KIRREL3: variants seen among roughly 807,000 people sequenced by gnomAD.
The protein encoded by KIRREL3 is kin of IRRE-like protein 3.
In KIRREL3, 36 loss-of-function variants were observed where a neutral mutation model predicts 89.7. That is an observed-to-expected ratio of 0.40 (90% CI 0.31 to 0.53). The LOEUF is 0.53. KIRREL3 is among the 20% of genes least tolerant of loss of function. The probability of loss-of-function intolerance (pLI) is 0.49; values close to 1 mark genes in which losing one functional copy is unlikely to be tolerated. For synonymous variants in KIRREL3, 445 were observed against 441.4 expected (o/e 1.01, Z -0.10); for missense variants, 864 against 1,056.6 (o/e 0.82, Z 2.53).
At chr11:126,457,145 C>T (rs1956371120) in intron 6 of KIRREL3, among the ~76,000 whole-genome samples, 1 of 149,932 alleles carries the variant, frequency 6.7e-6, no homozygotes, top group Non-Finnish European at 1.5e-5. Context: ...GAGACATGTA[C>T]ATAGAGGAGA....
Position 126,429,216 on chromosome 11 carries a change from C to G in KIRREL3, c.1769G>C (p.Arg590Pro). The G allele has an allele frequency of 6.2e-7, 1 of 1,613,832 alleles. No homozygotes were observed. Among genetic ancestry groups the G allele is most frequent in the Non-Finnish European group, 8.5e-7 (1 of 1,179,758 alleles). ...GATGGTGGAGTGCTCCTCACCCTCCCGACCAGAGGCTGGTTCCTTGTGGAC... is the reference window on the plus strand; with the variant it reads ...GATGGTGGAGTGCTCCTCACCCTCCGGACCAGAGGCTGGTTCCTTGTGGAC... ...EIVHKEPASG[R>P]EGEEHSTIKQ... Residue 590 changes from arginine (R) to proline (P), a missense_variant, in exon 15 of 17, where the codon CGG becomes CCG. Physicochemically the swap from Arg to Pro is moderately radical, Grantham distance 103 (BLOSUM62 -2). Transcript: ENST00000525144. This position sits in a 1 kb window ranked among gnomAD's most constrained non-coding sequence, Gnocchi z 5.2.
At chr11:126,693,282 G>A (rs1025978001) in intron 1 of KIRREL3, among the ~76,000 whole-genome samples, 3 of 152,152 alleles carry the variant, frequency 2.0e-5, no homozygotes, top group Admixed American at 1.3e-4. Context: ...TTAGCCGGGC[G>A]TGGTGGCGCG....
rs1159734931 is a variant in KIRREL3, at chr11:126,906,064, G to C, written c.55+94391C>G. Among the ~76,000 whole-genome samples the C allele has an allele frequency of 6.6e-6, 1 of 152,218 alleles. No homozygotes were observed. Among genetic ancestry groups the C allele is most frequent in the African/African-American group, 2.4e-5 (1 of 41,458 alleles). On this transcript the variant is annotated intron_variant, in intron 1 of 16. Transcript: ENST00000525144. The surrounding 1 kb of genome is among the most constrained non-coding windows in gnomAD (Gnocchi z 4.1). Reference sequence around the variant, plus strand: ...AATGCCAGGCCGACTTCAAGGCCGGGAGGTGTGCAGAGCCCCAGGCTCCAA... The same window carrying C: ...AATGCCAGGCCGACTTCAAGGCCGGCAGGTGTGCAGAGCCCCAGGCTCCAA...
chr11:126,881,469 C>T (rs552813224), intron 1 of KIRREL3, among the ~76,000 whole-genome samples: 1 of 152,206 alleles, frequency 6.6e-6, no homozygotes, highest in African/African-American at 2.4e-5. Context: ...TGGTCACCAA[C>T]ATAGGAAGTC....
At chr11:126,827,408 C>A (rs987124227) in intron 1 of KIRREL3, among the ~76,000 whole-genome samples, 9 of 152,102 alleles carry the variant, frequency 5.9e-5, no homozygotes. Flanking sequence ...GAACTCCTGA[C>A]CTCGTGATTC....
At chr11:126,702,146 A>G (rs1179611964) in intron 1 of KIRREL3, among the ~76,000 whole-genome samples, 2 of 152,182 alleles carry the variant, frequency 1.3e-5, no homozygotes, top group African/African-American at 4.8e-5. Context: ...CTCCTGTCCA[A>G]ACCTTCATCT....
chr11:126,675,518 T>G (rs76795076), intron 1 of KIRREL3, among the ~76,000 whole-genome samples: 2,583 of 152,338 alleles, frequency 0.017, 68 homozygotes, highest in African/African-American at 0.058. Context: ...GATTGAAACC[T>G]GCAGGCAGCA....
Position 126,568,268 on chromosome 11 carries a change from T to C in KIRREL3, c.56-5356A>G, listed in dbSNP as rs1013945761. Among the ~76,000 whole-genome samples, 1 of 150,076 alleles carries C rather than the reference T, an allele frequency of 6.7e-6. No homozygotes were observed. Among genetic ancestry groups the C allele is most frequent in the Non-Finnish European group, 1.5e-5 (1 of 67,022 alleles). Reference sequence around the variant, plus strand: ...GGTGAGACTTGCATTTCATAAAGGATCCCTTCAGCACTGGTGCAGATGATG... The same window carrying C: ...GGTGAGACTTGCATTTCATAAAGGACCCCTTCAGCACTGGTGCAGATGATG... On this transcript the variant is annotated intron_variant, in intron 1 of 16. Transcript: ENST00000525144. This position sits in a 1 kb window ranked among gnomAD's most constrained non-coding sequence, Gnocchi z 4.6.
In KIRREL3 at chr11:126,870,891, G is replaced by C. The variant is rs1335720361; in HGVS notation, c.55+129564C>G. On this transcript the variant is annotated intron_variant, in intron 1 of 16. Coordinates refer to ENST00000525144, the MANE Select transcript of KIRREL3 (RefSeq NM_032531.4). This position sits in a 1 kb window ranked among gnomAD's most constrained non-coding sequence, Gnocchi z 4.4. ...GACCTGGAAGTGGGTTCCCTGCACA[G>C]AAATTTTCTGCCTACCTTACAGAAA... Among the ~76,000 whole-genome samples, 2 of 152,130 alleles carry C rather than the reference G, an allele frequency of 1.3e-5. No homozygotes were observed. Among genetic ancestry groups the C allele is most frequent in the Admixed American group, 1.3e-4 (2 of 15,280 alleles).
intron 1 of KIRREL3, among the ~76,000 whole-genome samples, chr11:126,804,066 T>A (rs1257157840): frequency 6.6e-6 from 1 of 152,220 alleles, no homozygotes; most frequent in Admixed American, 6.5e-5. Flanking sequence ...GCATGCATGT[T>A]TGCTTGGGAA....
chr11:126,741,866 G>A (rs897977550), intron 1 of KIRREL3, among the ~76,000 whole-genome samples: 29 of 152,214 alleles, frequency 1.9e-4, no homozygotes, highest in Non-Finnish European at 3.7e-4. Context: ...CTGAAGCCTA[G>A]GAAAGTTCAA....
chr11:126,961,776 T>C (rs940737797), intron 1 of KIRREL3, among the ~76,000 whole-genome samples: 1 of 152,248 alleles, frequency 6.6e-6, no homozygotes, highest in Non-Finnish European at 1.5e-5. Flanking sequence ...AGCTAGAGAA[T>C]AGAAGTCAAG....
Position 126,788,880 on chromosome 11 carries a change from T to C in KIRREL3, c.55+211575A>G, listed in dbSNP as rs1049208540. On this transcript the variant is annotated intron_variant, in intron 1 of 16. Transcript: ENST00000525144. The surrounding 1 kb of genome is among the most constrained non-coding windows in gnomAD (Gnocchi z 4.1). ...GACCTCCATGTGTAGAAAATCAGCATTGTAAATAATCATTATTATCAAAGA... is the reference window on the plus strand; with the variant it reads ...GACCTCCATGTGTAGAAAATCAGCACTGTAAATAATCATTATTATCAAAGA... 1.3e-5 allele frequency among the ~76,000 whole-genome samples: 2 copies of C among 152,172 alleles called. No homozygotes were observed. Among genetic ancestry groups the C allele is most frequent in the Non-Finnish European group, 2.9e-5 (2 of 68,032 alleles).
intron 4 of KIRREL3, among the ~76,000 whole-genome samples, chr11:126,493,075 ACAGTGAGGTAGG>A (rs1045726697): frequency 2.6e-5 from 4 of 152,220 alleles, no homozygotes; most frequent in East Asian, 1.9e-4. Flanking sequence ...CGTCACAAAG[ACAGTGAGGTAGG>A]CAGTGAGGTA....
At chr11:126,894,855 G>A (rs1946086912) in intron 1 of KIRREL3, among the ~76,000 whole-genome samples, 1 of 152,202 alleles carries the variant, frequency 6.6e-6, no homozygotes, top group Admixed American at 6.5e-5. Flanking sequence ...GATTCCTAAA[G>A]GAAGTGATAC....
intron 1 of KIRREL3, among the ~76,000 whole-genome samples, chr11:126,847,713 CAG>C (rs1944195776): frequency 6.6e-6 from 1 of 152,102 alleles, no homozygotes; most frequent in Non-Finnish European, 1.5e-5. Context: ...CTTTGTTTTT[CAG>C]AGTTAAGAAA....
rs1054782173 is a variant in KIRREL3 at position 126,553,682 on chromosome 11, T to C, written c.133+9153A>G. Among the ~76,000 whole-genome samples the C allele has an allele frequency of 6.6e-6, 1 of 152,170 alleles. No homozygotes were observed. The highest frequency in any genetic ancestry group is 1.5e-5 in the Non-Finnish European group (1 of 68,030). ...CTGATGGGAACTGACTTGTTCTGCT[T>C]TAATGCACCCCTCAAATTTCCATAG... On this transcript the variant is annotated intron_variant, in intron 2 of 16. Coordinates refer to ENST00000525144, the MANE Select transcript of KIRREL3 (RefSeq NM_032531.4). The surrounding 1 kb of genome is among the most constrained non-coding windows in gnomAD (Gnocchi z 4.7).
At chr11:126,842,738 C>A (rs1190598855) in intron 1 of KIRREL3, among the ~76,000 whole-genome samples, 2 of 152,104 alleles carry the variant, frequency 1.3e-5, no homozygotes, top group Admixed American at 1.3e-4. Context: ...TGTAATGGGC[C>A]AGTTAATGTT....
Position 126,981,559 on chromosome 11 carries a change from T to G in KIRREL3, c.55+18896A>C, listed in dbSNP as rs890360634. 6.6e-6 allele frequency among the ~76,000 whole-genome samples: 1 copy of G among 152,196 alleles called. No homozygotes were observed. Among genetic ancestry groups the G allele is most frequent in the Non-Finnish European group, 1.5e-5 (1 of 68,032 alleles). ...ATGAGATCTGCCTCTACCACCCGACTCTATGAAGCAAAGGCAAGGAGGTAT... is the reference window on the plus strand; with the variant it reads ...ATGAGATCTGCCTCTACCACCCGACGCTATGAAGCAAAGGCAAGGAGGTAT... On this transcript the variant is annotated intron_variant, in intron 1 of 16. Transcript: ENST00000525144. This position sits in a 1 kb window ranked among gnomAD's most constrained non-coding sequence, Gnocchi z 4.2.
Sources: gnomAD v4.1 joint callset for allele counts (sites outside exome capture counted in the v4.1 genomes callset) on GRCh38, gnomAD v4.1.1 for gene constraint, Gnocchi (gnomAD v3.1) non-coding constraint, MANE v1.5 for transcripts, NCBI Gene and HGNC (gene_info 2026-07-23, HGNC 2026-07-21) for gene names.